The following CFAP46 variants were observed in gnomAD, a reference collection of about 807,000 sequenced individuals.
CFAP46 encodes the protein cilia and flagella associated protein 46.
Under a neutral mutation model 325.7 loss-of-function variants are expected in CFAP46, and 245 were observed. The observed-to-expected ratio is 0.75, with a 90% confidence interval of 0.68 to 0.84. The LOEUF is 0.84. Ranked by LOEUF, CFAP46 falls within the 40% of genes least tolerant of loss-of-function variation. The pLI is 0.00. For synonymous variants in CFAP46, 1,523 were observed against 1,495.9 expected (o/e 1.02, Z -0.42); for missense variants, 3,346 against 3,543.0 (o/e 0.94, Z 1.41).
chr10:132,936,365 C>A (rs550554668), intron 7 of CFAP46, among the ~76,000 whole-genome samples: 3 of 72,094 alleles, frequency 4.2e-5, no homozygotes, highest in African/African-American at 1.3e-4. Context: ...TCACTCCCCT[C>A]GGCACCCAAA....
At position 132,835,333 on chromosome 10, in the gene CFAP46, T is replaced by C. The variant is rs1423554842; in HGVS notation, c.6715A>G (p.Ser2239Gly). 1.9e-6 allele frequency: 3 copies of C among 1,613,552 alleles called. No homozygotes were observed. The highest frequency in any genetic ancestry group is 1.7e-5 in the Admixed American group (1 of 60,020). Residue 2239 changes from serine (S) to glycine (G), a missense_variant, in exon 47 of 58, where the codon AGT (serine) becomes GGT (glycine). Physicochemically the swap from Ser to Gly is moderately conservative, Grantham distance 56. Coordinates refer to ENST00000368586, the MANE Select transcript of CFAP46 (RefSeq NM_001200049.3). ...CCTATGTTCAGGGCCATGTCCTCACTGTACACCTGGGCCTGGGTCTGCTTC... is the reference window on the plus strand; with the variant it reads ...CCTATGTTCAGGGCCATGTCCTCACCGTACACCTGGGCCTGGGTCTGCTTC... ...FRKQTQAQVY[S>G]EDMALNIGSE... is the part of the protein sequence containing the mutation.
chr10:132,866,016 G>T lies in CFAP46; in HGVS notation c.4890+9C>A. ...TGTGGATGGTGATGGGCTGGGAGGG[G>T]CTCCTCACCTGGAAAGCCAGGTAAG... On this transcript the variant is annotated intron_variant, in intron 35 of 57. Transcript: ENST00000368586. The T allele has an allele frequency of 4.0e-6, 6 of 1,496,316 alleles. No homozygotes were observed. Among genetic ancestry groups the T allele is most frequent in the Non-Finnish European group, 5.4e-6 (6 of 1,118,384 alleles). The allele number at this position is 1,496,316 out of a possible 1,614,324, so 92.7% of individuals were successfully genotyped here.
intron 50 of CFAP46, among the ~76,000 whole-genome samples, chr10:132,824,079 G>A (rs1847970041): frequency 7.4e-6 from 1 of 134,662 alleles, no homozygotes. Flanking sequence ...GCTGATGTGT[G>A]CACTGTGTGC....
In CFAP46 at chr10:132,827,468, G is replaced by A. The variant is rs1848077226; in HGVS notation, c.7117+5890C>T. 1.3e-5 allele frequency among the ~76,000 whole-genome samples: 2 copies of A among 151,918 alleles called. No homozygotes were observed. Among genetic ancestry groups the A allele is most frequent in the South Asian group, 2.1e-4 (1 of 4,816 alleles). On this transcript the variant is annotated intron_variant, in intron 50 of 57. Transcript: ENST00000368586. The surrounding 1 kb of genome is among the most constrained non-coding windows in gnomAD (Gnocchi z 5.7). ...CCCTTCTGCAAACTTCCGTGACACC[G>A]ATGCAAATTTGCTCTTTCTGTATTT...
At chr10:132,821,253 G>A (rs1290852590) in intron 50 of CFAP46, among the ~76,000 whole-genome samples, 2 of 139,236 alleles carry the variant, frequency 1.4e-5, no homozygotes, top group South Asian at 5.3e-4. Flanking sequence ...TGTGTGTGCT[G>A]TGTGAGCGCT....
rs113053898 is a variant in CFAP46 at position 132,894,130 on chromosome 10, T to G, written c.3220-1713A>C. Among the ~76,000 whole-genome samples the G allele has an allele frequency of 9.1e-4, 138 of 152,370 alleles. 2 individuals carry two copies. The highest frequency in any genetic ancestry group is 3.0e-3 in the African/African-American group (125 of 41,578). On this transcript the variant is annotated intron_variant, in intron 24 of 57. Transcript: ENST00000368586. ...TGTGGATTTGCCGCTGGTAATGTAC[T>G]TTGGTGGTGTGTGACTCAAATATAT...
chr10:132,822,452 G>A (rs1327603370), intron 50 of CFAP46, among the ~76,000 whole-genome samples: 1 of 144,266 alleles, frequency 6.9e-6, no homozygotes, highest in African/African-American at 2.6e-5. Flanking sequence ...GCAGTGATGT[G>A]TGCTGTGTGA....
chr10:132,921,783 C>A (rs1849725739), intron 13 of CFAP46, among the ~76,000 whole-genome samples: 1 of 152,214 alleles, frequency 6.6e-6, no homozygotes, highest in African/African-American at 2.4e-5. Context: ...AGGAAGAGCA[C>A]TCAGGGGGAA....
intron 39 of CFAP46, among the ~76,000 whole-genome samples, chr10:132,854,757 CACG>C (rs1172180971): frequency 5.3e-5 from 8 of 152,090 alleles, no homozygotes; most frequent in East Asian, 1.9e-4. Flanking sequence ...TCTCTAATTC[CACG>C]ACATTTTCAT....
intron 9 of CFAP46, among the ~76,000 whole-genome samples, chr10:132,928,060 C>T (rs554216433): frequency 3.3e-4 from 50 of 152,324 alleles, no homozygotes; most frequent in African/African-American, 1.2e-3. Context: ...GCGGTGGGGG[C>T]AGAGTTGGGC....
In CFAP46 at chr10:132,886,795, G is replaced by A. The variant is rs903803062; in HGVS notation, c.3305-836C>T. 6.6e-6 allele frequency among the ~76,000 whole-genome samples: 1 copy of A among 152,136 alleles called. No individual in the cohort carries two copies. Among genetic ancestry groups the A allele is most frequent in the African/African-American group, 2.4e-5 (1 of 41,396 alleles). ...ACCAAGGCCATGGAGGCCCCACCTC[G>A]GGAAGGGGTGCTGAGTGGCGGGTCT... is the stretch of plus-strand genomic sequence containing the variant. On this transcript the variant is annotated intron_variant, in intron 25 of 57. Coordinates refer to ENST00000368586, the MANE Select transcript of CFAP46 (RefSeq NM_001200049.3). The surrounding 1 kb of genome is among the most constrained non-coding windows in gnomAD (Gnocchi z 5.8).
rs118188186 is a variant in CFAP46 at position 132,832,391 on chromosome 10, C to A, written c.7117+967G>T. Among the ~76,000 whole-genome samples the A allele has an allele frequency of 0.041, 5,512 of 135,272 alleles. 234 individuals are homozygous for A. Among genetic ancestry groups the A allele is most frequent in the Non-Finnish European group, 0.056 (3,474 of 62,574 alleles). 88.7% of individuals were successfully genotyped at this position (135,272 alleles called of 152,430 possible). ...CGGAGACCCCTGGGCTCTTCCTGCCCCCCCCCCCCAATGCTGTGGCCTGGA... is the reference window on the plus strand; with the variant it reads ...CGGAGACCCCTGGGCTCTTCCTGCCACCCCCCCCCAATGCTGTGGCCTGGA... On this transcript the variant is annotated intron_variant, in intron 50 of 57. Coordinates refer to ENST00000368586, the MANE Select transcript of CFAP46 (RefSeq NM_001200049.3). This position sits in a 1 kb window ranked among gnomAD's most constrained non-coding sequence, Gnocchi z 4.1.
Position 132,941,657 on chromosome 10 carries a change from G to A in CFAP46, c.240C>T (p.Thr80=), listed in dbSNP as rs1023139910. The part of the protein sequence containing the change: ...QMYFKVKAPI[T]QFLGRAHLCR... ...ACAGGTGCGCTCGGCCCAGAAACTG[G>A]GTGATGGGCGCCTTCACCTTGAAGT... The change falls in exon 3 of 58, where the codon ACC becomes ACT. Residue 80 remains threonine, a synonymous_variant. Transcript: ENST00000368586. 5.6e-6 allele frequency: 9 copies of A among 1,614,034 alleles called. No individual in the cohort carries two copies. The highest frequency in any genetic ancestry group is 7.6e-6 in the Non-Finnish European group (9 of 1,180,024).
At chr10:132,824,599 CTG>C (rs1221528375) in intron 50 of CFAP46, among the ~76,000 whole-genome samples, 2 of 95,474 alleles carry the variant, frequency 2.1e-5, no homozygotes, top group Admixed American at 1.2e-4. Context: ...CTGATGTGTG[CTG>C]TGTGTGCTGT....
At chr10:132,915,228 G>A (rs1462959824) in intron 17 of CFAP46, among the ~76,000 whole-genome samples, 29 of 152,254 alleles carry the variant, frequency 1.9e-4, no homozygotes, top group Non-Finnish European at 8.8e-5. Context: ...CTCTGTCTGT[G>A]AGCAGGCCCA....
chr10:132,938,924 C>G (rs936851647), intron 4 of CFAP46, among the ~76,000 whole-genome samples, 171 bp from the exon 5 acceptor site: 1 of 152,158 alleles, frequency 6.6e-6, no homozygotes. Flanking sequence ...TGCAGGAGCA[C>G]CAGGATGCAG....
rs1006654082 is a variant in CFAP46 at position 132,808,658 on chromosome 10, C to G, written c.7911G>C (p.Leu2637=). ...CTGCACCAAGGGCTGGGGAGAGGCCCAGGAAGGGGAGAGCGAGCTGGGAGC... is the reference window on the plus strand; with the variant it reads ...CTGCACCAAGGGCTGGGGAGAGGCCGAGGAAGGGGAGAGCGAGCTGGGAGC... The part of the protein sequence containing the change: ...IPSSQLALPF[L]GLSPALGAAS... Residue 2637 remains leucine, a synonymous_variant, in exon 58 of 58, where the codon CTG becomes CTC. Coordinates refer to ENST00000368586, the MANE Select transcript of CFAP46 (RefSeq NM_001200049.3). This position sits in a 1 kb window ranked among gnomAD's most constrained non-coding sequence, Gnocchi z 6.8. 1.9e-6 allele frequency: 3 copies of G among 1,593,902 alleles called. No homozygotes were observed. Among genetic ancestry groups the G allele is most frequent in the Admixed American group, 1.8e-5 (1 of 56,312 alleles).
chr10:132,941,160 C>T lies in CFAP46; in HGVS notation c.307-100G>A, dbSNP rs543784584. The T allele has an allele frequency of 1.5e-5, 17 of 1,148,418 alleles. No individual in the cohort carries two copies. The South Asian group carries it at 2.0e-4, about 14-fold the overall frequency. The allele number at this position is 1,148,418 out of a possible 1,614,324, so 71.1% of individuals were successfully genotyped here. ...GCTCCCTCACGGTTGGCCTGGTACC[C>T]CCTGTGTGTCACCTGTGTATCCACA... On this transcript the variant is annotated intron_variant, in intron 3 of 57. Coordinates refer to ENST00000368586, the MANE Select transcript of CFAP46 (RefSeq NM_001200049.3).
In CFAP46 at chr10:132,823,421, G is replaced by C. The variant is rs542068716; in HGVS notation, c.7118-8507C>G. On this transcript the variant is annotated intron_variant, in intron 50 of 57. Coordinates refer to ENST00000368586, the MANE Select transcript of CFAP46 (RefSeq NM_001200049.3). Reference sequence around the variant, plus strand: ...GCTGTGTGTGTGCTGTGTGCTGTGTGAGTGCTGATGTGTGCTGTGTGTGCT... The same window carrying C: ...GCTGTGTGTGTGCTGTGTGCTGTGTCAGTGCTGATGTGTGCTGTGTGTGCT... 1.3e-3 allele frequency among the ~76,000 whole-genome samples: 173 copies of C among 137,256 alleles called. 2 individuals are homozygous for C. The highest frequency in any genetic ancestry group is 4.6e-3 in the African/African-American group (163 of 35,286). 90.0% of individuals were successfully genotyped at this position (137,256 alleles called of 152,430 possible).
Sources: allele counts gnomAD v4.1 joint callset (sites outside exome capture counted in the v4.1 genomes callset), GRCh38; gene constraint gnomAD v4.1.1; non-coding constraint Gnocchi (gnomAD v3.1); transcripts MANE v1.5; gene names NCBI Gene and HGNC (gene_info 2026-07-23, HGNC 2026-07-21).